Variants in COBLL1 observed in about 807,000 individuals in gnomAD.
COBLL1 encodes cordon-bleu WH2 repeat protein like 1, also known as cordon-bleu protein-like 1.
A neutral mutation model predicts 94.8 loss-of-function variants in COBLL1; 50 were observed. That is an observed-to-expected ratio of 0.53 (90% CI 0.42 to 0.67). COBLL1 has a LOEUF of 0.67. Among genes scored for constraint, COBLL1 ranks in the 30% least tolerant of loss-of-function variants. COBLL1 has a pLI of 0.00. For synonymous variants in COBLL1, 448 were observed against 473.8 expected (o/e 0.95, Z 0.71); for missense variants, 1,362 against 1,348.7 (o/e 1.01, Z -0.15).
At chr2:164,771,430 T>C (rs534864490) in intron 2 of COBLL1, among the ~76,000 whole-genome samples, 1 of 152,142 alleles carries the variant, frequency 6.6e-6, no homozygotes, top group Non-Finnish European at 1.5e-5. Flanking sequence ...TGTGTTTCAG[T>C]TCAGGCACTA....
At chr2:164,732,812 T>C (rs1686086691) in intron 3 of COBLL1, among the ~76,000 whole-genome samples, 1 of 152,132 alleles carries the variant, frequency 6.6e-6, no homozygotes, top group African/African-American at 2.4e-5. Context: ...TCCCAGCACT[T>C]TGGGAGGCCG....
intron 2 of COBLL1, among the ~76,000 whole-genome samples, chr2:164,790,081 TTAA>T (rs1166357610): frequency 3.9e-5 from 6 of 152,236 alleles, no homozygotes; most frequent in Non-Finnish European, 8.8e-5. Flanking sequence ...CATTATAATA[TTAA>T]TGAGAATAGA....
rs377726593 is a variant in COBLL1, at chr2:164,667,531, C to T, written n.127-1630G>A. Among the ~76,000 whole-genome samples, 65 of 152,192 alleles carry T rather than the reference C, an allele frequency of 4.3e-4. 1 individual carries two copies. Among genetic ancestry groups the T allele is most frequent in the African/African-American group, 9.2e-4 (38 of 41,458 alleles). Reference sequence around the variant, plus strand: ...AAAAATCTGTTATTTAGTGTAGCCCCGCCTTCATCAATGATCTAATCTAGA... The same window carrying T: ...AAAAATCTGTTATTTAGTGTAGCCCTGCCTTCATCAATGATCTAATCTAGA... On this transcript the variant is annotated intron_variant and non_coding_transcript_variant, in intron 1 of 2. Transcript: ENST00000495084.
chr2:164,756,302 T>G (rs914156452), intron 2 of COBLL1, among the ~76,000 whole-genome samples: 3 of 152,158 alleles, frequency 2.0e-5, no homozygotes, highest in Admixed American at 2.0e-4. Flanking sequence ...AAGTTTAATA[T>G]TCACTATGAT....
At chr2:164,839,126 A>T (rs113038085) in intron 2 of COBLL1, among the ~76,000 whole-genome samples, 5 of 152,214 alleles carry the variant, frequency 3.3e-5, no homozygotes, top group Non-Finnish European at 4.4e-5. Context: ...GAGTAGAATA[A>T]TGTAAGGCAA....
Position 164,722,291 on chromosome 2 carries a change from G to C in COBLL1, c.780C>G (p.Thr260=). Residue 260 remains threonine (T), a synonymous_variant, in exon 7 of 14, where the codon ACC becomes ACG. Coordinates refer to ENST00000652658, the MANE Select transcript of COBLL1 (RefSeq NM_001365672.2). ...TTGGGCGGTGCTTATTTACTAGAGG[G>C]GTTGCAGGGGCACTTGCAGTCTAGT... is the stretch of plus-strand genomic sequence containing the variant. ...KRDQTASAPA[T]PLVNKHRPTF... 1 of 1,613,736 alleles carries C rather than the reference G, an allele frequency of 6.2e-7. No individual in the cohort carries two copies. Among genetic ancestry groups the C allele is most frequent in the Non-Finnish European group, 8.5e-7 (1 of 1,179,806 alleles).
At chr2:164,717,709 A>C (rs1275391940) in intron 7 of COBLL1, among the ~76,000 whole-genome samples, 12 of 152,024 alleles carry the variant, frequency 7.9e-5, no homozygotes, top group Non-Finnish European at 1.8e-4. Context: ...ACACACCAAC[A>C]TGCCTGGCTG....
chr2:164,723,696 T>C (rs1009042239), intron 5 of COBLL1: 3 of 152,316 alleles, frequency 2.0e-5, no homozygotes, highest in African/African-American at 7.2e-5. Flanking sequence ...TTTTTCACCT[T>C]TGTGTTATGC....
chr2:164,697,542 T>A (rs1574426829), intron 11 of COBLL1: 1 of 152,168 alleles, frequency 6.6e-6, no homozygotes, highest in Non-Finnish European at 1.5e-5. Context: ...TATTTCCTTC[T>A]TTCTTTCTTA....
At chr2:164,767,877 C>T (rs761219670) in intron 2 of COBLL1, among the ~76,000 whole-genome samples, 13 of 151,984 alleles carry the variant, frequency 8.6e-5, no homozygotes, top group Non-Finnish European at 1.8e-4. Context: ...TAAAAACAGG[C>T]CTTAACAGGT....
chr2:164,800,417 T>C (rs753144545), intron 2 of COBLL1: 298 of 601,564 alleles, frequency 5.0e-4, no homozygotes, highest in Non-Finnish European at 6.9e-4. Context: ...ATACCAACGA[T>C]ACTATGTTGG....
intron 2 of COBLL1, among the ~76,000 whole-genome samples, chr2:164,787,063 T>C (rs4667773): frequency 0.12 from 18,612 of 152,130 alleles, 1,424 homozygotes; most frequent in Admixed American, 0.18. Flanking sequence ...TCCATGTCTA[T>C]CACTTTAACC....
chr2:164,771,997 T>C (rs990382243), intron 2 of COBLL1: 2 of 152,002 alleles, frequency 1.3e-5, no homozygotes, highest in South Asian at 2.1e-4. Context: ...AAAGAACGTA[T>C]GCATAGTGGG....
At chr2:164,760,792 G>A (rs939950337) in intron 2 of COBLL1, among the ~76,000 whole-genome samples, 1 of 152,134 alleles carries the variant, frequency 6.6e-6, no homozygotes, top group African/African-American at 2.4e-5. Context: ...TCAAAATTTG[G>A]TAGATATTAG....
chr2:164,693,007 A>G (rs1251169653), intron 12 of COBLL1, among the ~76,000 whole-genome samples: 1 of 152,156 alleles, frequency 6.6e-6, no homozygotes, highest in Non-Finnish European at 1.5e-5. Flanking sequence ...ACTGAAGACT[A>G]AAAAATTTAA....
intron 2 of COBLL1, among the ~76,000 whole-genome samples, chr2:164,828,191 T>G (rs1335924274): frequency 6.6e-6 from 1 of 152,208 alleles, no homozygotes; most frequent in Non-Finnish European, 1.5e-5. Flanking sequence ...TCTCCAACAC[T>G]GACTTTTTGC....
At chr2:164,665,860 G>C (rs1328217320) in exon 2 of COBLL1, 1 of 152,124 alleles carries the variant, frequency 6.6e-6, no homozygotes, top group Admixed American at 6.5e-5. Flanking sequence ...TTGCCTTCAA[G>C]GAGAATGGGT....
rs1684516805 is a variant in COBLL1, at chr2:164,705,123, C to G, written c.997-18G>C. The stretch of plus-strand genomic sequence containing the variant: ...CAGGGACTCTGGAAAACAAAATGAC[C>G]AAATAAAATCCTACATTTAGAAATC... On this transcript the variant is annotated intron_variant, in intron 7 of 13. Transcript: ENST00000652658. 1.3e-6 allele frequency: 2 copies of G among 1,488,038 alleles called. No homozygotes were observed. The highest frequency in any genetic ancestry group is 2.5e-5 in the Admixed American group (1 of 40,170). The allele number at this position is 1,488,038 out of a possible 1,614,324, so 92.2% of individuals were successfully genotyped here. A position where few individuals can be genotyped will look rare whatever the true frequency, so the allele number is the denominator to read the frequency against.
rs115518701 is a variant in COBLL1 at position 164,704,342 on chromosome 2, T to C, written c.1225+102A>G. On this transcript the variant is annotated intron_variant, in intron 9 of 13. Coordinates refer to ENST00000652658, the MANE Select transcript of COBLL1 (RefSeq NM_001365672.2). ...ATTTGGGAAATGAGGCCAAAGAATC[T>C]GTATCTCTTTCATGTACAAAGCATC... 2,253 of 804,096 alleles carry C rather than the reference T, an allele frequency of 2.8e-3. 34 individuals are homozygous for C. The African/African-American group carries it at 0.035, about 13-fold the overall frequency. 49.8% of individuals were successfully genotyped at this position (804,096 alleles called of 1,614,324 possible).
Sources: gnomAD v4.1 joint callset for allele counts (sites outside exome capture counted in the v4.1 genomes callset) on GRCh38, gnomAD v4.1.1 for gene constraint, MANE v1.5 for transcripts, NCBI Gene and HGNC (gene_info 2026-07-23, HGNC 2026-07-21) for gene names.